BDKRB1: variants seen among roughly 807,000 people sequenced by gnomAD.
BDKRB1 encodes the protein B1 bradykinin receptor.
For synonymous variants in BDKRB1, 192 were observed against 189.1 expected (o/e 1.02, Z -0.13); for missense variants, 414 against 441.4 (o/e 0.94, Z 0.56).
chr14:96,261,955 A>G (rs989822215), intron 1 of BDKRB1, among the ~76,000 whole-genome samples: 1 of 152,316 alleles, frequency 6.6e-6, no homozygotes, highest in East Asian at 1.9e-4. Context: ...CTCCCTATGG[A>G]AAGAGACAGA....
intron 1 of BDKRB1, among the ~76,000 whole-genome samples, chr14:96,256,826 G>A (rs1948107200): frequency 6.6e-6 from 1 of 152,160 alleles, no homozygotes; most frequent in South Asian, 2.1e-4. Context: ...GTTGAAATTG[G>A]AGTTAATTTG....
rs117893455 is a variant in BDKRB1 at position 96,261,993 on chromosome 14, C to A, written c.-129-659C>A. Among the ~76,000 whole-genome samples, 174 of 152,348 alleles carry A rather than the reference C, an allele frequency of 1.1e-3. 1 individual carries two copies. Among genetic ancestry groups the A allele is most frequent in the Admixed American group, 2.0e-3 (30 of 15,312 alleles). On this transcript the variant is annotated intron_variant, in intron 1 of 2. Coordinates refer to ENST00000216629, the MANE Select transcript of BDKRB1 (RefSeq NM_000710.4). The stretch of plus-strand genomic sequence containing the variant: ...TTTCTATCCCTCTCCCGGTGAAACT[C>A]AGCATGGGAGCATGGGAGGCAGGTC...
At chr14:96,262,259 T>C (rs1038020026) in intron 1 of BDKRB1, among the ~76,000 whole-genome samples, 2 of 152,150 alleles carry the variant, frequency 1.3e-5, no homozygotes, top group Non-Finnish European at 2.9e-5. Flanking sequence ...ATTCATCGCG[T>C]GGGGACAGGT....
At position 96,264,006 on chromosome 14, in the gene BDKRB1, C is replaced by T. The variant is rs185115758; in HGVS notation, c.324C>T (p.Leu108=). 4 of 1,614,236 alleles carry T rather than the reference C, an allele frequency of 2.5e-6. No homozygotes were observed. The highest frequency in any genetic ancestry group is 2.2e-5 in the East Asian group (1 of 44,880). ...AGTTTAACTGGCCTTTCGGAGCCCT[C>T]CTCTGCCGTGTCATCAACGGGGTCA... The part of the protein sequence containing the change: ...WNQFNWPFGA[L]LCRVINGVIK... Residue 108 remains leucine, a synonymous_variant, in exon 3 of 3, where the codon CTC becomes CTT. Coordinates refer to ENST00000216629, the MANE Select transcript of BDKRB1 (RefSeq NM_000710.4).
intron 2 of BDKRB1, among the ~76,000 whole-genome samples, chr14:96,262,983 G>A (rs368133959): frequency 2.0e-5 from 3 of 151,864 alleles, no homozygotes; most frequent in East Asian, 3.9e-4. Flanking sequence ...TCCCCACCCC[G>A]GCCACCACAC....
intron 1 of BDKRB1, among the ~76,000 whole-genome samples, chr14:96,260,539 G>T (rs1885723383): frequency 6.6e-6 from 1 of 152,110 alleles, no homozygotes; most frequent in African/African-American, 2.4e-5. Flanking sequence ...CTCCAAAAGG[G>T]TTTATTTCAA....
At chr14:96,257,048 A>T (rs1217438623) in intron 1 of BDKRB1, among the ~76,000 whole-genome samples, 1 of 152,256 alleles carries the variant, frequency 6.6e-6, no homozygotes, top group Non-Finnish European at 1.5e-5. Flanking sequence ...CCAGGCAAAT[A>T]TCAGAGCTAA....
At chr14:96,260,481 A>C (rs555007004) in intron 1 of BDKRB1, among the ~76,000 whole-genome samples, 3 of 152,358 alleles carry the variant, frequency 2.0e-5, no homozygotes, top group African/African-American at 7.2e-5. Context: ...TGAGCAACAG[A>C]AGTGCAGTAC....
At chr14:96,263,612 G>C in intron 2 of BDKRB1, 61 bp from the exon 3 acceptor site, 2 of 1,493,518 alleles carry the variant, frequency 1.3e-6, no homozygotes, top group South Asian at 2.8e-5. Flanking sequence ...TGACAGGTTG[G>C]TTTGGCTCAT....
At position 96,263,967 on chromosome 14, in the gene BDKRB1, G is replaced by C; in HGVS notation, c.285G>C (p.Glu95Asp). ...TCTTGGGCTTGCCCTTCTGGGCAGA[G>C]AATATCTGGAACCAGTTTAACTGGC... ...VFVLGLPFWAENIWNQFNWPF... is the reference protein window; with the variant it reads ...VFVLGLPFWADNIWNQFNWPF... Residue 95 changes from glutamate to aspartate, a missense_variant, in exon 3 of 3, where the codon GAG becomes GAC. Transcript: ENST00000216629. 6.2e-7 allele frequency: 1 copy of C among 1,614,220 alleles called. No individual in the cohort carries two copies. The highest frequency in any genetic ancestry group is 8.5e-7 in the Non-Finnish European group (1 of 1,180,040).
intron 1 of BDKRB1, among the ~76,000 whole-genome samples, 173 bp from the exon 2 acceptor site, chr14:96,262,479 A>T (rs1885774668): frequency 6.6e-6 from 1 of 152,178 alleles, no homozygotes; most frequent in South Asian, 2.1e-4. Flanking sequence ...GAAAATACTT[A>T]AATGTGAAAC....
At chr14:96,257,980 G>A (rs372583457) in intron 1 of BDKRB1, among the ~76,000 whole-genome samples, 3 of 150,674 alleles carry the variant, frequency 2.0e-5, no homozygotes, top group African/African-American at 7.3e-5. Context: ...AGGAGGGTAG[G>A]GAGGGAAGGA....
At chr14:96,256,909 A>G (rs1355531830) in intron 1 of BDKRB1, among the ~76,000 whole-genome samples, 1 of 152,244 alleles carries the variant, frequency 6.6e-6, no homozygotes, top group Non-Finnish European at 1.5e-5. Flanking sequence ...AATTCAGAAA[A>G]TACCACACAG....
At chr14:96,257,306 C>T (rs533324624) in intron 1 of BDKRB1, among the ~76,000 whole-genome samples, 1 of 152,316 alleles carries the variant, frequency 6.6e-6, no homozygotes, top group South Asian at 2.1e-4. Context: ...GCCTCACCCC[C>T]GTGCTGGTTT....
In BDKRB1 at chr14:96,262,606, C is replaced by CTTTTTTT. The variant is rs34474132; in HGVS notation, c.-129-32_-129-26dup. ...TTTTTCTTTTCTCTCTCTCTCTCTCCTTTTTTTTTTTTTTTTTTTTGTTGT... is the reference window on the plus strand; with the variant it reads ...TTTTTCTTTTCTCTCTCTCTCTCTCCTTTTTTTTTTTTTTTTTTTTTTTTTTTGTTGT... On this transcript the variant is annotated intron_variant, in intron 1 of 2. Transcript: ENST00000216629. 1,123 of 310,284 alleles carry CTTTTTTT rather than the reference C, an allele frequency of 3.6e-3. 3 individuals carry two copies. The highest frequency in any genetic ancestry group is 7.3e-3 in the Middle Eastern group (7 of 954). The allele number at this position is 310,284 out of a possible 1,614,324, so 19.2% of individuals were successfully genotyped here.
At chr14:96,261,902 G>T (rs1885758635) in intron 1 of BDKRB1, among the ~76,000 whole-genome samples, 1 of 152,218 alleles carries the variant, frequency 6.6e-6, no homozygotes, top group East Asian at 1.9e-4. Context: ...CACAGGATGG[G>T]ATCTACCCCT....
rs35175075 is a variant in BDKRB1 at position 96,264,144 on chromosome 14, C to A, written c.462C>A (p.Ala154=). 3 of 1,597,234 alleles carry A rather than the reference C, an allele frequency of 1.9e-6. No individual in the cohort carries two copies. Among genetic ancestry groups the A allele is most frequent in the Non-Finnish European group, 2.6e-6 (3 of 1,171,080 alleles). The change falls in exon 3 of 3, where the codon GCC becomes GCA. Residue 154 remains alanine (A), a synonymous_variant. Transcript: ENST00000216629. The stretch of plus-strand genomic sequence containing the variant: ...GGAGGCAGCAGCGGCGGAGGCAGGC[C>A]CGGGTCACCTGCGTGCTCATCTGGG... ...ASRRQQRRRQ[A]RVTCVLIWVV...
rs1885809497 is a variant in BDKRB1 at position 96,263,679 on chromosome 14, G to A, written c.-4G>A. The A allele has an allele frequency of 6.2e-7, 1 of 1,610,990 alleles. No individual in the cohort carries two copies. The highest frequency in any genetic ancestry group is 1.1e-5 in the South Asian group (1 of 90,574). ...TACCTTCTGTTCATTTCAGGTCACT[G>A]TGCATGGCATCATCCTGGCCCCCTC... On this transcript the variant is annotated 5_prime_UTR_variant, in exon 3 of 3. The change creates a new upstream start codon in the 5' untranslated region. Transcript: ENST00000216629.
rs533825900 is a variant in BDKRB1, at chr14:96,261,822, A to G, written c.-129-830A>G. 5.2e-4 allele frequency among the ~76,000 whole-genome samples: 79 copies of G among 152,350 alleles called. 2 individuals are homozygous for G. The South Asian group carries it at 0.016, about 30-fold the overall frequency. On this transcript the variant is annotated intron_variant, in intron 1 of 2. Coordinates refer to ENST00000216629, the MANE Select transcript of BDKRB1 (RefSeq NM_000710.4). ...CAGTGTAGGCAGCTGCTCATTCTGC[A>G]GATAGTATTCTGTGGATCCCTGAGT... is the stretch of plus-strand genomic sequence containing the variant.
Sources: gnomAD v4.1 joint callset for allele counts (sites outside exome capture counted in the v4.1 genomes callset) on GRCh38, gnomAD v4.1.1 for gene constraint, MANE v1.5 for transcripts, NCBI Gene and HGNC (gene_info 2026-07-23, HGNC 2026-07-21) for gene names.